BEND2: variants seen among roughly 807,000 people sequenced by gnomAD.
BEND2 encodes the protein BEN domain containing 2, also known as BEN domain-containing protein 2.
A neutral mutation model predicts 43.8 loss-of-function variants in BEND2; 19 were observed. The observed-to-expected ratio is 0.43, with a 90% CI of 0.30 to 0.64. The LOEUF is 0.64. Ranked by LOEUF, BEND2 falls within the 30% of genes least tolerant of loss-of-function variation. BEND2 has a pLI of 0.11. For missense variants in BEND2, 544 were observed against 574.0 expected (o/e 0.95, Z 0.53); for synonymous variants, 226 against 210.1 (o/e 1.08, Z -0.66).
At chrX:18,200,185 A>G (rs1294920590) in intron 6 of BEND2, among the ~76,000 whole-genome samples, 1 of 111,892 alleles carries the variant, frequency 8.9e-6, no homozygotes, top group Non-Finnish European at 1.9e-5. Flanking sequence ...GCATAGCCAT[A>G]CTATGAAATA....
chrX:18,186,614 A>G (rs535686787), intron 8 of BEND2, among the ~76,000 whole-genome samples: 2 of 110,742 alleles, frequency 1.8e-5, no homozygotes, highest in South Asian at 7.6e-4. Context: ...TTAGTTTACA[A>G]TAATGGGTTA....
chrX:18,185,225 A>T (rs2147403578), intron 8 of BEND2, among the ~76,000 whole-genome samples: 1 of 109,961 alleles, frequency 9.1e-6, no homozygotes, highest in Non-Finnish European at 1.9e-5. Context: ...AAGATGGGGT[A>T]GAAAGTTTAT....
intron 10 of BEND2, among the ~76,000 whole-genome samples, chrX:18,176,845 C>T (rs987189597): frequency 2.7e-5 from 3 of 110,873 alleles, no homozygotes; most frequent in African/African-American, 9.9e-5. Context: ...GTCTATCTTC[C>T]CCAGCTCTTC....
chrX:18,169,910 GTAA>G (rs1229598877), intron 13 of BEND2, among the ~76,000 whole-genome samples: 1 of 111,764 alleles, frequency 8.9e-6, no homozygotes, highest in Non-Finnish European at 1.9e-5. Context: ...TTTTAAAGAA[GTAA>G]TCTTTTCCAG....
chrX:18,176,781 C>G (rs1310822242), intron 10 of BEND2, among the ~76,000 whole-genome samples: 2 of 111,307 alleles, frequency 1.8e-5, no homozygotes, highest in African/African-American at 3.3e-5. Flanking sequence ...GGAAACATAT[C>G]AAGAGAAAAT....
At chrX:18,194,537 G>A (rs1845582253) in intron 7 of BEND2, among the ~76,000 whole-genome samples, 1 of 110,908 alleles carries the variant, frequency 9.0e-6, no homozygotes, top group South Asian at 3.8e-4. Context: ...AATTCATAGC[G>A]GCTTTACACC....
intron 4 of BEND2, among the ~76,000 whole-genome samples, chrX:18,212,245 C>T (rs1263659021): frequency 2.7e-5 from 3 of 109,418 alleles, no homozygotes; most frequent in Non-Finnish European, 3.8e-5. Flanking sequence ...CAGGCATGCA[C>T]CACCACGCCA....
chrX:18,180,621 C>T lies in BEND2; in HGVS notation c.1318G>A (p.Val440Ile). ...ALLPLNILVK[V>I]DTNTENSVNT... Reference sequence around the variant, plus strand: ...ACGCTGTTTTCCGTGTTGGTGTCTACTTTTACCAAAATATTCAGAGGTAAC... The same window carrying T: ...ACGCTGTTTTCCGTGTTGGTGTCTATTTTTACCAAAATATTCAGAGGTAAC... Residue 440 changes from valine to isoleucine, a missense_variant, in exon 9 of 14, where the codon GTA (valine) becomes ATA (isoleucine). By Grantham distance (29) the Val-to-Ile change is conservative (BLOSUM62 3). Around this residue, in one of 2 missense-constraint regions of BEND2, gnomAD observed 501 missense variants for 501.6 expected, o/e 1.00. Coordinates refer to ENST00000380033, the MANE Select transcript of BEND2 (RefSeq NM_153346.5). 8.3e-7 allele frequency: 1 copy of T among 1,209,405 alleles called. No homozygotes were observed. The highest frequency in any genetic ancestry group is 1.1e-6 in the Non-Finnish European group (1 of 893,480).
At chrX:18,205,241 C>T (rs1209041947) in intron 4 of BEND2, among the ~76,000 whole-genome samples, 1 of 110,852 alleles carries the variant, frequency 9.0e-6, no homozygotes, top group African/African-American at 3.3e-5. Context: ...GGCAGAACTA[C>T]TTTGCTATGT....
intron 4 of BEND2, among the ~76,000 whole-genome samples, chrX:18,207,095 T>G (rs778482700): frequency 3.6e-5 from 4 of 110,526 alleles, no homozygotes; most frequent in African/African-American, 1.3e-4. Flanking sequence ...GGAGGTAGGC[T>G]AGGGAGAACC....
At chrX:18,212,092 CTTTTTTT>C (rs758303697) in intron 4 of BEND2, among the ~76,000 whole-genome samples, 4 of 71,073 alleles carry the variant, frequency 5.6e-5, no homozygotes, top group African/African-American at 2.1e-4. Context: ...TTATTACTGT[CTTTTTTT>C]TTTTTTTTTT....
In BEND2 at chrX:18,216,608, C is replaced by T. The variant is rs1246587529; in HGVS notation, c.151G>A (p.Ala51Thr). 2 of 1,208,780 alleles carry T rather than the reference C, an allele frequency of 1.7e-6. No homozygotes were observed. The highest frequency in any genetic ancestry group is 2.2e-6 in the Non-Finnish European group (2 of 892,893). ...GCTGTGTCATCAGTGGGATTATCTG[C>T]TGTGACATAAGTGGAATCATCTGCT... ...DIADDSTYVT[A>T]DNPTDDTATQ... The change falls in exon 2 of 14, where the codon GCA becomes ACA. Residue 51 changes from alanine (A) to threonine (T), a missense_variant. By Grantham distance (58) the Ala-to-Thr change is moderately conservative. Around this residue, in one of 2 missense-constraint regions of BEND2, gnomAD observed 501 missense variants for 501.6 expected, o/e 1.00. Transcript: ENST00000380033.
chrX:18,176,084 G>T lies in BEND2; in HGVS notation c.1640C>A (p.Ala547Glu). 7.6e-6 allele frequency: 9 copies of T among 1,191,456 alleles called. No homozygotes were observed. Among genetic ancestry groups the T allele is most frequent in the Non-Finnish European group, 1.0e-5 (9 of 888,155 alleles). ...NKMAALREYL[A>E]TTFPTCDLHE... ...CAAATCACAGGTGGGAAAAGTTGTTGCCAGATATTCTGCAAACAGCAGAAA... is the reference window on the plus strand; with the variant it reads ...CAAATCACAGGTGGGAAAAGTTGTTTCCAGATATTCTGCAAACAGCAGAAA... Residue 547 changes from alanine (A) to glutamate (E), a missense_variant, in exon 11 of 14, where the codon GCA (alanine) becomes GAA (glutamate). Physicochemically the swap from Ala to Glu is moderately radical, Grantham distance 107. Around this residue, in one of 2 missense-constraint regions of BEND2, gnomAD observed 501 missense variants for 501.6 expected, o/e 1.00. Coordinates refer to ENST00000380033, the MANE Select transcript of BEND2 (RefSeq NM_153346.5).
chrX:18,195,543 A>T, intron 6 of BEND2, 101 bp from the exon 7 acceptor site: 3 of 848,146 alleles, frequency 3.5e-6, no homozygotes, highest in South Asian at 5.6e-5. Flanking sequence ...AAAGAAAACT[A>T]AAAAAATCTG....
chrX:18,200,223 C>T (rs1036010404), intron 6 of BEND2, among the ~76,000 whole-genome samples: 4 of 111,575 alleles, frequency 3.6e-5, no homozygotes, highest in Admixed American at 9.6e-5. Context: ...GGAGGGTAGG[C>T]TGGGTGTGGT....
chrX:18,173,814 C>T (rs1026343674), intron 12 of BEND2, among the ~76,000 whole-genome samples: 13 of 111,536 alleles, frequency 1.2e-4, no homozygotes, highest in South Asian at 3.8e-4. Flanking sequence ...AGCCACTTTC[C>T]GTAGGAAAAA....
At chrX:18,188,398 A>G (rs1300939300) in intron 8 of BEND2, among the ~76,000 whole-genome samples, 2 of 111,332 alleles carry the variant, frequency 1.8e-5, no homozygotes, top group East Asian at 5.6e-4. Context: ...AGAAAAAGAA[A>G]AAGAGACAAA....
chrX:18,183,557 G>T (rs1296768500), intron 8 of BEND2, among the ~76,000 whole-genome samples: 1 of 112,357 alleles, frequency 8.9e-6, no homozygotes, highest in Non-Finnish European at 1.9e-5. Context: ...CTTGGCCACA[G>T]TGGGGTAGGG....
In BEND2 at chrX:18,195,290, A is replaced by G; in HGVS notation, c.1180+6T>C. On this transcript the variant is annotated splice_donor_region_variant and intron_variant, in intron 7 of 13. Coordinates refer to ENST00000380033, the MANE Select transcript of BEND2 (RefSeq NM_153346.5). ...CTGCTTGTGATATCCATTATTTCAA[A>G]CTCACCAAAATTAGAAGTGATGGGA... 1 of 1,201,032 alleles carries G rather than the reference A, an allele frequency of 8.3e-7. No homozygotes were observed. The highest frequency in any genetic ancestry group is 1.1e-6 in the Non-Finnish European group (1 of 891,868).
Sources: gnomAD v4.1 joint callset for allele counts (sites outside exome capture counted in the v4.1 genomes callset) on GRCh38, gnomAD v4.1.1 for gene constraint, gnomAD v4.1.1 regional missense constraint, MANE v1.5 for transcripts, NCBI Gene and HGNC (gene_info 2026-07-23, HGNC 2026-07-21) for gene names.